SDK1: variants seen among roughly 807,000 people sequenced by gnomAD.
SDK1 encodes protein sidekick-1.
In SDK1, 157 loss-of-function variants were observed where a neutral mutation model predicts 245.5. The ratio of observed to expected loss-of-function variants is 0.64; its 90% confidence interval spans 0.56 to 0.73. SDK1 has a LOEUF of 0.73. Among genes scored for constraint, SDK1 ranks in the 30% least tolerant of loss-of-function variants. SDK1 has a pLI of 0.00. For synonymous variants in SDK1, 1,647 were observed against 1,278.5 expected (o/e 1.29, Z -6.15); for missense variants, 3,583 against 3,002.3 (o/e 1.19, Z -4.52).
intron 1 of SDK1, among the ~76,000 whole-genome samples, chr7:3,541,379 C>A (rs531297311): frequency 6.6e-6 from 1 of 152,204 alleles, no homozygotes; most frequent in African/African-American, 2.4e-5. Context: ...GTAATCTAAG[C>A]CATACGCTGG....
At chr7:3,922,294 G>C (rs565922211) in intron 5 of SDK1, among the ~76,000 whole-genome samples, 1 of 152,284 alleles carries the variant, frequency 6.6e-6, no homozygotes, top group African/African-American at 2.4e-5. Context: ...GGATGTGCTG[G>C]AGCCCACTTA....
chr7:4,161,901 A>T, intron 32 of SDK1, 45 bp downstream of exon 32: 1 of 1,542,444 alleles, frequency 6.5e-7, no homozygotes. Context: ...ATGTGTTCTC[A>T]TTTCCCTGCG....
intron 1 of SDK1, among the ~76,000 whole-genome samples, chr7:3,355,972 C>G (rs774828189): frequency 2.4e-4 from 36 of 152,276 alleles, no homozygotes; most frequent in Non-Finnish European, 3.8e-4. Context: ...GTCCTCCACG[C>G]TCACCCCATT....
intron 1 of SDK1, among the ~76,000 whole-genome samples, chr7:3,455,238 GTCTCT>G (rs1449943812): frequency 6.6e-6 from 1 of 151,654 alleles, no homozygotes; most frequent in Non-Finnish European, 1.5e-5. Context: ...TCTGTAGCTT[GTCTCT>G]TCATCATCTT....
chr7:4,063,564 A>G (rs1026806124), intron 19 of SDK1, among the ~76,000 whole-genome samples: 4 of 151,436 alleles, frequency 2.6e-5, no homozygotes, highest in Non-Finnish European at 4.4e-5. Context: ...TGCAATCTCT[A>G]TCAAAATACC....
intron 28 of SDK1, among the ~76,000 whole-genome samples, chr7:4,141,959 C>A (rs1779609913): frequency 6.6e-6 from 1 of 152,068 alleles, no homozygotes; most frequent in African/African-American, 2.4e-5. Context: ...GTTTCACCAT[C>A]TTGGCCAGGG....
intron 4 of SDK1, among the ~76,000 whole-genome samples, chr7:3,738,352 C>T (rs1044346580): frequency 6.6e-6 from 1 of 152,148 alleles, no homozygotes; most frequent in Non-Finnish European, 1.5e-5. Flanking sequence ...AATCATTTGG[C>T]CCTATTTGCC....
intron 19 of SDK1, among the ~76,000 whole-genome samples, chr7:4,056,796 C>A (rs1562740992): frequency 1.3e-5 from 2 of 152,158 alleles, no homozygotes; most frequent in Non-Finnish European, 2.9e-5. Context: ...CCCACCAGAA[C>A]ATTCCGCCGT....
At chr7:3,528,671 G>C (rs1480876462) in intron 1 of SDK1, among the ~76,000 whole-genome samples, 1 of 152,122 alleles carries the variant, frequency 6.6e-6, no homozygotes, top group Non-Finnish European at 1.5e-5. Context: ...TGAAAATGGT[G>C]AGAAGTGGCA....
At chr7:3,503,365 G>GTGAACATTCCACAAGTT (rs1438993006) in intron 1 of SDK1, among the ~76,000 whole-genome samples, 1 of 152,156 alleles carries the variant, frequency 6.6e-6, no homozygotes, top group Non-Finnish European at 1.5e-5. Context: ...TTACACAACT[G>GTGAACATTCCACAAGTT]TGAACATTCC....
intron 4 of SDK1, among the ~76,000 whole-genome samples, chr7:3,763,459 T>C (rs1273518030): frequency 6.6e-6 from 1 of 152,208 alleles, no homozygotes; most frequent in Non-Finnish European, 1.5e-5. Context: ...ATCGCATCTA[T>C]ACATCTTCAT....
At chr7:3,570,707 C>G (rs972692882) in intron 1 of SDK1, among the ~76,000 whole-genome samples, 1 of 152,192 alleles carries the variant, frequency 6.6e-6, no homozygotes, top group Admixed American at 6.5e-5. Context: ...ATCCTGCAGT[C>G]TCACGTAACG....
At chr7:3,790,355 C>G (rs1437604274) in intron 4 of SDK1, among the ~76,000 whole-genome samples, 1 of 152,180 alleles carries the variant, frequency 6.6e-6, no homozygotes, top group African/African-American at 2.4e-5. Flanking sequence ...GCCCTCCAGT[C>G]TCCTGTGGCT....
intron 1 of SDK1, among the ~76,000 whole-genome samples, chr7:3,396,103 T>G (rs925668958): frequency 6.6e-6 from 1 of 151,850 alleles, no homozygotes; most frequent in Non-Finnish European, 1.5e-5. Context: ...ATACGTTTTT[T>G]TCTAAGTCTT....
chr7:3,899,056 C>T (rs554587762), intron 5 of SDK1, among the ~76,000 whole-genome samples: 2 of 152,290 alleles, frequency 1.3e-5, no homozygotes, highest in East Asian at 3.9e-4. Flanking sequence ...CTTTTGGTTT[C>T]CATTTAAGTC....
intron 1 of SDK1, among the ~76,000 whole-genome samples, chr7:3,432,887 A>T (rs765702005): frequency 6.6e-6 from 1 of 152,230 alleles, no homozygotes; most frequent in African/African-American, 2.4e-5. Flanking sequence ...TCTAGGAAGA[A>T]TTTCATGGCT....
Position 4,241,796 on chromosome 7 carries a change from A to G in SDK1, c.6134A>G (p.Lys2045Arg), listed in dbSNP as rs1204632207. The G allele has an allele frequency of 6.2e-7, 1 of 1,614,126 alleles. No individual in the cohort carries two copies. ...NKKYKNCSTG[K>R]GISTMEESVT... ...TCACTCTCCTGCTGGGCTTTAGGAA[A>G]GGGGATCTCCACCATGGAGGAGTCT... Residue 2045 changes from lysine (K) to arginine (R), a missense_variant, in exon 43 of 45, where the codon AAG becomes AGG. Lys to Arg is a conservative substitution (Grantham distance 26, BLOSUM62 2). Coordinates refer to ENST00000404826, the MANE Select transcript of SDK1 (RefSeq NM_152744.4).
intron 5 of SDK1, among the ~76,000 whole-genome samples, chr7:3,949,364 G>A (rs1171385752): frequency 6.6e-6 from 1 of 152,356 alleles, no homozygotes; most frequent in South Asian, 2.1e-4. Flanking sequence ...TGCTTAGGCA[G>A]TGCAAGGCAG....
Position 4,266,015 on chromosome 7 carries a change from G to C in SDK1, c.*631G>C, listed in dbSNP as rs1788447973. ...GGCAGGGATGCTAAGGTGTGGCTCA[G>C]CCGTCACTGTCTGTGTCACTGCAGT... On this transcript the variant is annotated 3_prime_UTR_variant, in exon 45 of 45. Coordinates refer to ENST00000404826, the MANE Select transcript of SDK1 (RefSeq NM_152744.4). 1.0e-6 allele frequency: 1 copy of C among 985,388 alleles called. No homozygotes were observed. The highest frequency in any genetic ancestry group is 1.2e-6 in the Non-Finnish European group (1 of 829,974). The allele number at this position is 985,388 out of a possible 1,614,324, so 61.0% of individuals were successfully genotyped here. A position where few individuals can be genotyped will look rare whatever the true frequency, so the allele number is the denominator to read the frequency against.
Sources: allele counts gnomAD v4.1 joint callset (sites outside exome capture counted in the v4.1 genomes callset), GRCh38; gene constraint gnomAD v4.1.1; transcripts MANE v1.5; gene names NCBI Gene and HGNC (gene_info 2026-07-23, HGNC 2026-07-21).